The following SLC1A2 variants were observed in gnomAD, a reference collection of about 807,000 sequenced individuals.
The protein encoded by SLC1A2 is excitatory amino acid transporter 2.
A neutral mutation model predicts 48.8 loss-of-function variants in SLC1A2; 15 were observed. The observed-to-expected ratio is 0.31, with a 90% CI of 0.21 to 0.47. The LOEUF (loss-of-function observed/expected upper bound fraction) is 0.47, where lower values mean the gene tolerates loss of function less well. SLC1A2 is among the 20% of genes least tolerant of loss of function. The pLI is 0.99. For synonymous variants in SLC1A2, 279 were observed against 272.6 expected, an observed-to-expected ratio of 1.02 and a Z score of -0.23; for missense variants, 502 against 730.5, an observed-to-expected ratio of 0.69 and a Z score of 3.61.
intron 10 of SLC1A2, among the ~76,000 whole-genome samples, chr11:35,262,385 C>T (rs1195095236): frequency 6.6e-6 from 1 of 152,186 alleles, no homozygotes; most frequent in Non-Finnish European, 1.5e-5. Context: ...TCTGGGACAG[C>T]AGATTTTTTT....
At chr11:35,355,447 G>A (rs1853421238) in intron 1 of SLC1A2, among the ~76,000 whole-genome samples, 1 of 152,154 alleles carries the variant, frequency 6.6e-6, no homozygotes, top group Non-Finnish European at 1.5e-5. Context: ...GCACTTGTAA[G>A]TGTACTGGAG....
At chr11:35,396,662 G>T (rs1344651489) in intron 1 of SLC1A2, among the ~76,000 whole-genome samples, 2 of 152,042 alleles carry the variant, frequency 1.3e-5, no homozygotes, top group African/African-American at 4.8e-5. Context: ...CTTTTGCTGT[G>T]CAGAAGCTCT....
intron 4 of SLC1A2, among the ~76,000 whole-genome samples, chr11:35,308,882 T>A (rs1310401348): frequency 6.6e-6 from 1 of 152,170 alleles, no homozygotes. Context: ...AGTCTATAGG[T>A]AAGTGTGGCT....
intron 1 of SLC1A2, chr11:35,322,522 C>G: frequency 1.6e-6 from 2 of 1,254,918 alleles, no homozygotes; most frequent in African/African-American, 3.0e-5. Context: ...TGGTGTGTTT[C>G]TCCTGGAGGA....
chr11:35,371,138 C>G (rs1019053330), intron 1 of SLC1A2: 15 of 940,038 alleles, frequency 1.6e-5, no homozygotes, highest in Non-Finnish European at 1.8e-5. Context: ...CCCTTTGCCT[C>G]ATTCATCCTA....
chr11:35,314,150 A>G (rs1851793315), intron 3 of SLC1A2, among the ~76,000 whole-genome samples: 1 of 152,236 alleles, frequency 6.6e-6, no homozygotes, highest in Non-Finnish European at 1.5e-5. Flanking sequence ...TTAGTCAAAG[A>G]TAATTGATGC....
chr11:35,353,933 C>T (rs1239520412), intron 1 of SLC1A2, among the ~76,000 whole-genome samples: 1 of 152,088 alleles, frequency 6.6e-6, no homozygotes, highest in Non-Finnish European at 1.5e-5. Flanking sequence ...TACATTTAAA[C>T]TTTAAGGAGG....
intron 8 of SLC1A2, 158 bp downstream of exon 8, chr11:35,286,599 T>A: frequency 1.9e-6 from 1 of 522,740 alleles, no homozygotes; most frequent in East Asian, 3.1e-5. Flanking sequence ...CTTGTCACAA[T>A]CTTTTCCTTT....
At chr11:35,317,735 C>T (rs1156505008) in intron 1 of SLC1A2, among the ~76,000 whole-genome samples, 1 of 152,166 alleles carries the variant, frequency 6.6e-6, no homozygotes, top group African/African-American at 2.4e-5. Context: ...ACACCGCATG[C>T]AATGGTAGGA....
intron 6 of SLC1A2, chr11:35,299,351 C>CTGTGTGTGTGTG (rs3046423): frequency 1.2e-4 from 11 of 93,508 alleles, no homozygotes; most frequent in African/African-American, 3.2e-4. Context: ...CTCTCTCTCT[C>CTGTGTGTGTGTG]TCTGTGTGTG....
chr11:35,348,577 C>T (rs1160548608), intron 1 of SLC1A2, among the ~76,000 whole-genome samples: 1 of 152,024 alleles, frequency 6.6e-6, no homozygotes, highest in Non-Finnish European at 1.5e-5. Context: ...CTGATGTAGG[C>T]ACACATCAGC....
chr11:35,400,118 T>A (rs560111390), intron 1 of SLC1A2, among the ~76,000 whole-genome samples: 11 of 152,340 alleles, frequency 7.2e-5, no homozygotes, highest in Middle Eastern at 6.8e-3. Context: ...ATTGGCAGCA[T>A]GTGTCAAAAT....
intron 3 of SLC1A2, among the ~76,000 whole-genome samples, chr11:35,314,785 C>CT (rs5791048): frequency 0.73 from 103,560 of 140,972 alleles, 38,050 homozygotes; most frequent in East Asian, 0.91. Context: ...CTTTTCTTTT[C>CT]TTTTTTTTTT....
At chr11:35,314,165 ACT>A (rs1851793901) in intron 3 of SLC1A2, among the ~76,000 whole-genome samples, 2 of 152,198 alleles carry the variant, frequency 1.3e-5, no homozygotes, top group African/African-American at 4.8e-5. Flanking sequence ...TGATGCTGGG[ACT>A]CAGGATATAC....
At chr11:35,265,998 G>C (rs1369791447) in intron 9 of SLC1A2, among the ~76,000 whole-genome samples, 1 of 152,212 alleles carries the variant, frequency 6.6e-6, no homozygotes, top group Non-Finnish European at 1.5e-5. Context: ...CGTATGTAAA[G>C]TGCTTAGTAA....
At chr11:35,417,951 C>T (rs997894400) in intron 1 of SLC1A2, among the ~76,000 whole-genome samples, 10 of 152,304 alleles carry the variant, frequency 6.6e-5, no homozygotes, top group African/African-American at 2.4e-4. Flanking sequence ...CCCAGAGAAG[C>T]CCCTGATATT....
Position 35,360,780 on chromosome 11 carries a change from T to A in SLC1A2, c.18-43264A>T, listed in dbSNP as rs116656151. ...TTGGACTCTAGTCTCCATGTCACCT[T>A]CCATGGCTTCCATAAACCATAACAC... On this transcript the variant is annotated intron_variant, in intron 1 of 10. Transcript: ENST00000278379. 6.6e-3 allele frequency among the ~76,000 whole-genome samples: 1,005 copies of A among 152,306 alleles called. 13 individuals carry two copies. The highest frequency in any genetic ancestry group is 0.023 in the African/African-American group (961 of 41,568).
chr11:35,418,319 C>A, intron 1 of SLC1A2: 1 of 152,324 alleles, frequency 6.6e-6, no homozygotes, highest in East Asian at 1.9e-4. Context: ...CCGCTGGAGT[C>A]TGGCGACTCC....
intron 1 of SLC1A2, among the ~76,000 whole-genome samples, chr11:35,414,531 A>AG (rs1565312972): frequency 6.6e-6 from 1 of 152,076 alleles, no homozygotes; most frequent in Non-Finnish European, 1.5e-5. Context: ...TTGCGGGGTG[A>AG]GGGGCGGGCA....
Sources: gnomAD v4.1 joint callset for allele counts (sites outside exome capture counted in the v4.1 genomes callset) on GRCh38, gnomAD v4.1.1 for gene constraint, MANE v1.5 for transcripts, NCBI Gene and HGNC (gene_info 2026-07-23, HGNC 2026-07-21) for gene names.